AHI1: variants seen among roughly 807,000 people sequenced by gnomAD.
AHI1 encodes the protein Abelson helper integration site 1.
AHI1 carries 123 observed loss-of-function variants against 149.3 expected under a neutral mutation model. The observed-to-expected ratio is 0.82, with a 90% CI of 0.71 to 0.96. The LOEUF (loss-of-function observed/expected upper bound fraction) is 0.96. AHI1 is among the 40% of genes least tolerant of loss of function. The pLI, the probability that AHI1 is intolerant of heterozygous loss-of-function variation, is 0.00. For missense variants in AHI1, 1,439 were observed against 1,422.7 expected (o/e 1.01, Z -0.18); for synonymous variants, 475 against 459.8 (o/e 1.03, Z -0.42).
At chr6:135,402,092 T>C (rs1780098212) in intron 22 of AHI1, among the ~76,000 whole-genome samples, 1 of 152,104 alleles carries the variant, frequency 6.6e-6, no homozygotes, top group Non-Finnish European at 1.5e-5. Context: ...TCATTAGTCA[T>C]AAAGAAAACA....
chr6:135,337,687 A>C (rs988456300), intron 24 of AHI1, among the ~76,000 whole-genome samples: 1 of 148,796 alleles, frequency 6.7e-6, no homozygotes, highest in Admixed American at 6.8e-5. Flanking sequence ...GCTTGAACCC[A>C]GGAGGTCAAG....
chr6:135,353,937 A>G (rs1792553981), intron 24 of AHI1, among the ~76,000 whole-genome samples: 1 of 152,170 alleles, frequency 6.6e-6, no homozygotes, highest in Non-Finnish European at 1.5e-5. Flanking sequence ...TCTTATAAAT[A>G]TGAAGAATAA....
chr6:135,301,167 A>G, intron 26 of AHI1: 1 of 983,546 alleles, frequency 1.0e-6, no homozygotes. Flanking sequence ...TGGGAAATTG[A>G]GTTTGATATG....
chr6:135,428,108 T>C (rs1313363918), intron 19 of AHI1, among the ~76,000 whole-genome samples: 1 of 151,710 alleles, frequency 6.6e-6, no homozygotes, highest in Non-Finnish European at 1.5e-5. Context: ...CTTTAGCTTT[T>C]CTTTTGAAAA....
intron 24 of AHI1, among the ~76,000 whole-genome samples, chr6:135,350,567 G>C (rs1010129928): frequency 2.0e-5 from 3 of 151,874 alleles, no homozygotes; most frequent in African/African-American, 4.8e-5. Context: ...AGGAAGACCA[G>C]ATAAGAAAAT....
At position 135,358,123 on chromosome 6, in the gene AHI1, C is replaced by T. The variant is rs747066482; in HGVS notation, c.3165+9G>A. 1 of 1,609,806 alleles carries T rather than the reference C, an allele frequency of 6.2e-7. No homozygotes were observed. On this transcript the variant is annotated intron_variant, in intron 24 of 28. Transcript: ENST00000265602. ...ACACTTTTAACAACGTAGCAACAGA[C>T]TGTCTTACCGTTGGTGCTGTATCTA...
chr6:135,343,763 A>G (rs1324955461), intron 24 of AHI1, among the ~76,000 whole-genome samples: 1 of 152,012 alleles, frequency 6.6e-6, no homozygotes, highest in Non-Finnish European at 1.5e-5. Context: ...AAACTGGATT[A>G]CAGACCTTAA....
intron 7 of AHI1, 118 bp from the exon 8 acceptor site, chr6:135,463,424 T>C (rs1790242980): frequency 4.7e-6 from 4 of 856,104 alleles, no homozygotes; most frequent in Admixed American, 2.8e-5. Flanking sequence ...TCACTATTAT[T>C]GTCTCTTGAG....
chr6:135,455,002 C>G (rs1788696923), intron 10 of AHI1, among the ~76,000 whole-genome samples: 1 of 152,182 alleles, frequency 6.6e-6, no homozygotes, highest in African/African-American at 2.4e-5. Context: ...TAAACTTCTC[C>G]ATCTAGCTTA....
At chr6:135,290,556 C>A (rs772845499) in intron 27 of AHI1, 31 bp from the exon 28 acceptor site, 3 of 1,611,820 alleles carry the variant, frequency 1.9e-6, no homozygotes, top group Non-Finnish European at 2.5e-6. Context: ...AAACAAGGAG[C>A]CAGTAAAAGA....
At chr6:135,482,091 G>A (rs926017476) in intron 5 of AHI1, among the ~76,000 whole-genome samples, 1 of 151,678 alleles carries the variant, frequency 6.6e-6, no homozygotes, top group Non-Finnish European at 1.5e-5. Context: ...CTGATCTGTG[G>A]GTGTATTGTT....
At chr6:135,463,019 T>C (rs1306799788) in intron 8 of AHI1, 106 bp downstream of exon 8, 9 of 813,406 alleles carry the variant, frequency 1.1e-5, no homozygotes, top group East Asian at 2.7e-5. Context: ...ATATCCTATA[T>C]TGAATTATTT....
At chr6:135,435,571 A>G (rs1437544657) in intron 15 of AHI1, among the ~76,000 whole-genome samples, 1 of 152,222 alleles carries the variant, frequency 6.6e-6, no homozygotes, top group Admixed American at 6.5e-5. Context: ...AGCAAAGGGT[A>G]CAAGGGAAGC....
At chr6:135,431,733 C>T (rs1156603581) in intron 16 of AHI1, among the ~76,000 whole-genome samples, 1 of 152,098 alleles carries the variant, frequency 6.6e-6, no homozygotes, top group Non-Finnish European at 1.5e-5. Flanking sequence ...ACCAGTTTAA[C>T]ATCAATTCTT....
intron 24 of AHI1, among the ~76,000 whole-genome samples, chr6:135,335,556 C>T (rs1789251454): frequency 6.6e-6 from 1 of 151,928 alleles, no homozygotes; most frequent in Non-Finnish European, 1.5e-5. Context: ...GTACAAGTTA[C>T]TCTTCTGTTT....
At chr6:135,329,862 T>G (rs1463635013) in intron 24 of AHI1, among the ~76,000 whole-genome samples, 1 of 152,166 alleles carries the variant, frequency 6.6e-6, no homozygotes, top group Admixed American at 6.5e-5. Context: ...GTGGAAGGTT[T>G]ATTCTGACCC....
intron 19 of AHI1, among the ~76,000 whole-genome samples, chr6:135,428,021 A>G (rs1784142477): frequency 6.6e-6 from 1 of 151,662 alleles, no homozygotes; most frequent in Non-Finnish European, 1.5e-5. Context: ...GGAAAAAATC[A>G]AATACTGTTC....
At chr6:135,355,902 A>AAAAC (rs144981184) in intron 24 of AHI1, among the ~76,000 whole-genome samples, 4,586 of 151,416 alleles carry the variant, frequency 0.03, 80 homozygotes, top group African/African-American at 0.038. Context: ...CTGTCTCAAA[A>AAAAC]AAACAAACAA....
At chr6:135,461,727 C>T (rs975067225) in intron 8 of AHI1, among the ~76,000 whole-genome samples, 4 of 151,880 alleles carry the variant, frequency 2.6e-5, no homozygotes, top group Admixed American at 6.6e-5. Flanking sequence ...CAATGGATAT[C>T]TAAATAATAC....
Sources: gnomAD v4.1 joint callset for allele counts (sites outside exome capture counted in the v4.1 genomes callset) on GRCh38, gnomAD v4.1.1 for gene constraint, MANE v1.5 for transcripts, NCBI Gene and HGNC (gene_info 2026-07-23, HGNC 2026-07-21) for gene names.